The following NSUN6 variants were observed in gnomAD, a reference collection of about 807,000 sequenced individuals.
NSUN6 encodes NOP2/Sun RNA methyltransferase 6.
Under a neutral mutation model 58.0 loss-of-function variants are expected in NSUN6, and 64 were observed. The ratio of observed to expected loss-of-function variants is 1.10; its 90% confidence interval spans 0.90 to 1.36. NSUN6 has a LOEUF of 1.36. Among genes scored for constraint, NSUN6 ranks in the 40% most tolerant of loss-of-function variants. The pLI, the probability that NSUN6 is intolerant of heterozygous loss-of-function variation, is 0.00. For missense variants in NSUN6, 701 were observed against 550.1 expected (o/e 1.27, Z -2.74); for synonymous variants, 231 against 193.9 (o/e 1.19, Z -1.59).
intron 8 of NSUN6, among the ~76,000 whole-genome samples, chr10:18,558,246 A>C (rs969249728): frequency 8.6e-5 from 13 of 150,814 alleles, no homozygotes; most frequent in African/African-American, 3.2e-4. Context: ...AGTAGTATGG[A>C]GTGCAATAGA....
upstream of NSUN6, among the ~76,000 whole-genome samples, chr10:18,653,794 G>A (rs182457465): frequency 6.6e-6 from 1 of 152,318 alleles, no homozygotes; most frequent in East Asian, 1.9e-4. Flanking sequence ...TGGCATAGTA[G>A]ATATGTGCTA....
chr10:18,594,673 T>C (rs1357272790), intron 7 of NSUN6, among the ~76,000 whole-genome samples: 1 of 152,086 alleles, frequency 6.6e-6, no homozygotes, highest in Admixed American at 6.6e-5. Context: ...ATGGTCTCGA[T>C]CTCTTAACCT....
chr10:18,606,091 A>T (rs571216875), intron 6 of NSUN6, among the ~76,000 whole-genome samples: 1 of 152,312 alleles, frequency 6.6e-6, no homozygotes, highest in East Asian at 1.9e-4. Flanking sequence ...TTTTAAAATT[A>T]TTGGTCATTA....
intron 8 of NSUN6, among the ~76,000 whole-genome samples, chr10:18,571,587 C>A (rs1380037839): frequency 5.3e-5 from 8 of 151,546 alleles, no homozygotes; most frequent in African/African-American, 1.9e-4. Flanking sequence ...AATGTCCATT[C>A]CATTCCATTC....
At chr10:18,549,370 T>A (rs1489919680) in intron 9 of NSUN6, among the ~76,000 whole-genome samples, 1 of 152,152 alleles carries the variant, frequency 6.6e-6, no homozygotes, top group Admixed American at 6.6e-5. Flanking sequence ...GCTCTCTTAA[T>A]TCCCTGCACT....
intron 3 of NSUN6, among the ~76,000 whole-genome samples, chr10:18,639,406 A>G (rs574503987): frequency 5.9e-4 from 90 of 152,286 alleles, no homozygotes; most frequent in Non-Finnish European, 1.0e-3. Flanking sequence ...AGTCAGGAGA[A>G]CTGCTTGAAC....
chr10:18,636,190 G>A (rs567460722), intron 3 of NSUN6, among the ~76,000 whole-genome samples: 74 of 151,942 alleles, frequency 4.9e-4, no homozygotes, highest in African/African-American at 1.7e-3. Context: ...GGTAACCTTC[G>A]GCAAAGGGCA....
At chr10:18,646,270 A>T (rs1012824402) in intron 2 of NSUN6, among the ~76,000 whole-genome samples, 6 of 152,184 alleles carry the variant, frequency 3.9e-5, no homozygotes, top group Non-Finnish European at 7.3e-5. Context: ...ATATCATCCT[A>T]TTCAGGACAT....
In NSUN6 at chr10:18,609,688, G is replaced by T. The variant is rs188484612; in HGVS notation, c.657+157C>A. Among the ~76,000 whole-genome samples the T allele has an allele frequency of 7.2e-4, 110 of 152,212 alleles. 1 individual carries two copies. Among genetic ancestry groups the T allele is most frequent in the African/African-American group, 2.6e-3 (109 of 41,524 alleles). ...TGAGAAAAAGAAAAGAAAGGAGAAT[G>T]CTTGTAAAGTTTTTTCTTACTGCTT... On this transcript the variant is annotated intron_variant, in intron 6 of 10. Transcript: ENST00000377304.
At chr10:18,600,051 G>C (rs1026081591) in intron 6 of NSUN6, among the ~76,000 whole-genome samples, 12 of 152,086 alleles carry the variant, frequency 7.9e-5, no homozygotes, top group Admixed American at 7.2e-4. Flanking sequence ...GGTAATGTAA[G>C]ATGCTAAAAT....
intron 8 of NSUN6, among the ~76,000 whole-genome samples, chr10:18,574,745 T>C (rs2056565182): frequency 6.6e-6 from 1 of 152,076 alleles, no homozygotes; most frequent in Admixed American, 6.6e-5. Flanking sequence ...GGCTCATACA[T>C]TTGGGAAAAT....
chr10:18,596,975 T>C (rs142709180), intron 6 of NSUN6, among the ~76,000 whole-genome samples: 192 of 152,288 alleles, frequency 1.3e-3, no homozygotes, highest in African/African-American at 4.2e-3. Context: ...TGTTTTATGC[T>C]GCTAAATCAC....
At chr10:18,651,762 C>T (rs141052345), upstream of NSUN6, 6 of 985,484 alleles carry the variant, frequency 6.1e-6, no homozygotes, top group African/African-American at 1.0e-4. Context: ...CTGCGTGAGG[C>T]TCTTTCACCT....
chr10:18,635,235 C>T (rs950823326), intron 3 of NSUN6, among the ~76,000 whole-genome samples: 3 of 152,168 alleles, frequency 2.0e-5, no homozygotes, highest in African/African-American at 7.2e-5. Context: ...CTGAGACAGC[C>T]TGTGTTTGGT....
chr10:18,584,895 A>G (rs1395097000), intron 8 of NSUN6, among the ~76,000 whole-genome samples: 2 of 151,920 alleles, frequency 1.3e-5, no homozygotes, highest in African/African-American at 2.4e-5. Flanking sequence ...GAGTACAGAA[A>G]GAAAAAAAAA....
chr10:18,599,928 G>A (rs974939909), intron 6 of NSUN6, among the ~76,000 whole-genome samples: 6 of 149,706 alleles, frequency 4.0e-5, no homozygotes, highest in African/African-American at 1.4e-4. Flanking sequence ...TGTGGATTGT[G>A]TTTAAGCAAT....
At chr10:18,547,792 CT>C (rs1309580301) in intron 10 of NSUN6, among the ~76,000 whole-genome samples, 4 of 71,890 alleles carry the variant, frequency 5.6e-5, no homozygotes, top group Non-Finnish European at 9.6e-5. Flanking sequence ...AAATACAGGA[CT>C]GGGAAGGAGA....
chr10:18,565,544 C>T (rs924002949), intron 8 of NSUN6, among the ~76,000 whole-genome samples: 3 of 150,934 alleles, frequency 2.0e-5, no homozygotes, highest in Non-Finnish European at 4.4e-5. Context: ...ATTCTCCATT[C>T]TCCGTGGCAT....
At chr10:18,610,754 A>G (rs541933405) in intron 5 of NSUN6, among the ~76,000 whole-genome samples, 7 of 152,212 alleles carry the variant, frequency 4.6e-5, no homozygotes, top group Non-Finnish European at 1.0e-4. Flanking sequence ...GCAGAGAAAG[A>G]ACACGCAAAT....
Sources: gnomAD v4.1 joint callset for allele counts (sites outside exome capture counted in the v4.1 genomes callset) on GRCh38, gnomAD v4.1.1 for gene constraint, MANE v1.5 for transcripts, NCBI Gene and HGNC (gene_info 2026-07-23, HGNC 2026-07-21) for gene names.